PTPRD: variants seen among roughly 807,000 people sequenced by gnomAD.
PTPRD encodes receptor-type tyrosine-protein phosphatase delta.
PTPRD carries 34 observed loss-of-function variants against 214.5 expected under a neutral mutation model. The observed-to-expected ratio is 0.16, with a 90% CI of 0.12 to 0.21. The LOEUF (loss-of-function observed/expected upper bound fraction) is 0.21, where lower values mean the gene tolerates loss of function less well. PTPRD is among the 10% of genes least tolerant of loss of function. The pLI is 1.00. For synonymous variants in PTPRD, 1,128 were observed against 845.7 expected, an observed-to-expected ratio of 1.33 and a Z score of -5.79; for missense variants, 2,545 against 2,398.7, an observed-to-expected ratio of 1.06 and a Z score of -1.27.
At chr9:9,721,765 C>G (rs61203766) in intron 7 of PTPRD, among the ~76,000 whole-genome samples, 1 of 151,994 alleles carries the variant, frequency 6.6e-6, no homozygotes, top group Non-Finnish European at 1.5e-5. Flanking sequence ...TCATTCAGGT[C>G]ATTTCTATGT....
intron 8 of PTPRD, among the ~76,000 whole-genome samples, chr9:9,439,232 G>T (rs1018656641): frequency 2.0e-5 from 3 of 151,990 alleles, no homozygotes; most frequent in African/African-American, 7.2e-5. Flanking sequence ...GCATAAGAAA[G>T]AAATTAGTGA....
intron 4 of PTPRD, among the ~76,000 whole-genome samples, chr9:9,954,947 A>C (rs1182815646): frequency 6.6e-6 from 1 of 152,204 alleles, no homozygotes; most frequent in Non-Finnish European, 1.5e-5. Context: ...ACCTCTATTA[A>C]GATAAAGATA....
chr9:10,325,817 T>C (rs1342219719), intron 3 of PTPRD, among the ~76,000 whole-genome samples: 1 of 151,864 alleles, frequency 6.6e-6, no homozygotes, highest in African/African-American at 2.4e-5. Flanking sequence ...GGTTAAAAAT[T>C]GATTTTGGAT....
At chr9:8,738,742 G>C (rs966426700) in intron 11 of PTPRD, among the ~76,000 whole-genome samples, 35 of 150,798 alleles carry the variant, frequency 2.3e-4, no homozygotes, top group African/African-American at 8.5e-4. Flanking sequence ...TCTGAAAACG[G>C]GAACAGAAAA....
intron 2 of PTPRD, among the ~76,000 whole-genome samples, chr9:10,504,245 T>A (rs1243949023): frequency 6.7e-6 from 1 of 149,178 alleles, no homozygotes; most frequent in East Asian, 2.1e-4. Context: ...CTCTCTCCTA[T>A]CTACATGTAC....
At chr9:9,457,716 T>C (rs574948957) in intron 8 of PTPRD, among the ~76,000 whole-genome samples, 1 of 152,172 alleles carries the variant, frequency 6.6e-6, no homozygotes, top group Admixed American at 6.6e-5. Context: ...TTAGGTTTTT[T>C]CCATACATTC....
intron 4 of PTPRD, among the ~76,000 whole-genome samples, chr9:9,942,665 G>C (rs975608789): frequency 2.6e-5 from 4 of 151,998 alleles, no homozygotes; most frequent in Non-Finnish European, 5.9e-5. Flanking sequence ...AATCTTACAG[G>C]TGAAAAGTTT....
At position 8,873,935 on chromosome 9, in the gene PTPRD, G is replaced by A. The variant is rs2098344478; in HGVS notation, c.-103-139989C>T. On this transcript the variant is annotated intron_variant, in intron 11 of 45. Coordinates refer to ENST00000381196, the MANE Select transcript of PTPRD (RefSeq NM_002839.4). ...GCACCATTTTCTAGACTATGTGTGT[G>A]CACCTGGTCATTAAAACATAATACG... Among the ~76,000 whole-genome samples, 4 of 152,162 alleles carry A rather than the reference G, an allele frequency of 2.6e-5. No individual in the cohort carries two copies. The South Asian group carries it at 8.3e-4, about 31-fold the overall frequency.
At position 8,733,955 on chromosome 9, in the gene PTPRD, G is replaced by C. The variant is rs563960513; in HGVS notation, c.-103-9C>G. 1.3e-5 allele frequency: 14 copies of C among 1,078,152 alleles called. No homozygotes were observed. Among genetic ancestry groups the C allele is most frequent in the Non-Finnish European group, 1.9e-5 (14 of 734,210 alleles). The allele number at this position is 1,078,152 out of a possible 1,614,324, so 66.8% of individuals were successfully genotyped here. A position where few individuals can be genotyped will look rare whatever the true frequency, so the allele number is the denominator to read the frequency against. ...TGGAACACTTTCAGAGCCTGAAAGCGGGGAGGAAGAGAAAAGAAAAGGAAG... is the reference window on the plus strand; with the variant it reads ...TGGAACACTTTCAGAGCCTGAAAGCCGGGAGGAAGAGAAAAGAAAAGGAAG... On this transcript the variant is annotated splice_polypyrimidine_tract_variant and intron_variant, in intron 11 of 45. Coordinates refer to ENST00000381196, the MANE Select transcript of PTPRD (RefSeq NM_002839.4).
intron 11 of PTPRD, among the ~76,000 whole-genome samples, chr9:8,899,144 G>C (rs1413516121): frequency 6.6e-6 from 1 of 152,074 alleles, no homozygotes; most frequent in Non-Finnish European, 1.5e-5. Context: ...AAAAAAGATT[G>C]TTTATCTGCT....
At chr9:8,538,717 A>C (rs1309249804) in intron 14 of PTPRD, among the ~76,000 whole-genome samples, 3 of 151,748 alleles carry the variant, frequency 2.0e-5, no homozygotes, top group Non-Finnish European at 4.4e-5. Flanking sequence ...TGCATGCACA[A>C]ACATACATTC....
intron 44 of PTPRD, among the ~76,000 whole-genome samples, chr9:8,321,653 A>T (rs1038367145): frequency 6.6e-6 from 1 of 151,406 alleles, no homozygotes; most frequent in Non-Finnish European, 1.5e-5. Flanking sequence ...AGGATGCCTA[A>T]AGTTAAGAAG....
At chr9:9,944,163 C>T (rs1258101348) in intron 4 of PTPRD, among the ~76,000 whole-genome samples, 1 of 152,104 alleles carries the variant, frequency 6.6e-6, no homozygotes, top group Non-Finnish European at 1.5e-5. Context: ...TGCATTGCAG[C>T]TCATCTTTCC....
chr9:8,568,330 C>T (rs555286029), intron 14 of PTPRD, among the ~76,000 whole-genome samples: 3 of 152,212 alleles, frequency 2.0e-5, no homozygotes, highest in African/African-American at 7.2e-5. Flanking sequence ...TCCCTCCCTC[C>T]CTCTCTACTA....
intron 2 of PTPRD, among the ~76,000 whole-genome samples, chr9:10,489,766 T>C (rs1162371140): frequency 6.6e-6 from 1 of 152,118 alleles, no homozygotes; most frequent in Non-Finnish European, 1.5e-5. Context: ...TCTAGTTTTG[T>C]TTTCTGTTAT....
At chr9:9,104,890 G>A (rs1306542597) in intron 10 of PTPRD, among the ~76,000 whole-genome samples, 3 of 152,174 alleles carry the variant, frequency 2.0e-5, no homozygotes, top group Admixed American at 6.5e-5. Context: ...AAACAAACTG[G>A]TGGCTGGATT....
chr9:9,916,592 T>C (rs1271168111), intron 5 of PTPRD, among the ~76,000 whole-genome samples: 1 of 151,862 alleles, frequency 6.6e-6, no homozygotes, highest in Non-Finnish European at 1.5e-5. Flanking sequence ...CATCTCACCT[T>C]TAAAGACACA....
intron 2 of PTPRD, among the ~76,000 whole-genome samples, chr9:10,502,063 G>A (rs833447): frequency 0.99 from 150,151 of 151,892 alleles, 74,233 homozygotes; most frequent in East Asian, 1. Flanking sequence ...TTTTTTTTAA[G>A]AAAATAGTGT....
chr9:9,809,996 T>G (rs1337870777), intron 5 of PTPRD, among the ~76,000 whole-genome samples: 2 of 152,004 alleles, frequency 1.3e-5, no homozygotes, highest in East Asian at 3.9e-4. Flanking sequence ...TATGTGGATT[T>G]TTTCCAATAA....
Sources: allele counts gnomAD v4.1 joint callset (sites outside exome capture counted in the v4.1 genomes callset), GRCh38; gene constraint gnomAD v4.1.1; transcripts MANE v1.5; gene names NCBI Gene and HGNC (gene_info 2026-07-23, HGNC 2026-07-21).